The following USP6NL variants were observed in gnomAD, a reference collection of about 807,000 sequenced individuals.
USP6NL encodes the protein USP6 N-terminal like, also known as USP6 N-terminal-like protein.
In USP6NL, 26 loss-of-function variants were observed where a neutral mutation model predicts 61.9. The observed-to-expected ratio is 0.42, with a 90% CI of 0.31 to 0.58. USP6NL has a LOEUF of 0.58. Ranked by LOEUF, USP6NL falls within the 20% of genes least tolerant of loss-of-function variation. USP6NL has a pLI of 0.16. For synonymous variants in USP6NL, 432 were observed against 390.1 expected, an observed-to-expected ratio of 1.11 and a Z score of -1.27; for missense variants, 1,114 against 1,034.3, an observed-to-expected ratio of 1.08 and a Z score of -1.06.
intron 2 of USP6NL, among the ~76,000 whole-genome samples, chr10:11,590,220 C>T (rs1445546942): frequency 1.3e-5 from 2 of 152,158 alleles, no homozygotes; most frequent in Non-Finnish European, 2.9e-5. Context: ...TTCACAGTCA[C>T]CCTGCCTATC....
rs1197970802 is a variant in USP6NL, at chr10:11,496,074, G to A, written c.385-2846C>T. 3.3e-5 allele frequency among the ~76,000 whole-genome samples: 5 copies of A among 152,236 alleles called. No individual in the cohort carries two copies. The highest frequency in any genetic ancestry group is 5.9e-5 in the Non-Finnish European group (4 of 68,046). On this transcript the variant is annotated intron_variant, in intron 7 of 14. Transcript: ENST00000609104. The surrounding 1 kb of genome is among the most constrained non-coding windows in gnomAD (Gnocchi z 5.4). ...ATCTGGGAGGTGAGTTGAGGAAAAA[G>A]GCTGGACTGTCCAAAATTTAAACTA... is the stretch of plus-strand genomic sequence containing the variant.
Position 11,561,330 on chromosome 10 carries a change from A to T in USP6NL, c.5-33763T>A, listed in dbSNP as rs893763196. Among the ~76,000 whole-genome samples, 2 of 152,182 alleles carry T rather than the reference A, an allele frequency of 1.3e-5. No homozygotes were observed. The highest frequency in any genetic ancestry group is 4.8e-5 in the African/African-American group (2 of 41,448). On this transcript the variant is annotated intron_variant, in intron 2 of 14. Transcript: ENST00000609104. This position sits in a 1 kb window ranked among gnomAD's most constrained non-coding sequence, Gnocchi z 4.1. ...TTCCCAAATGAACCCTCTAATGTTA[A>T]CTTTTTTGGTGGGTTTCCATAAAGT...
chr10:11,474,632 T>C lies in USP6NL; in HGVS notation c.1078+7138A>G, dbSNP rs1052396544. ...GAAATACGTTTCTAAATTTGTGAGTTTAATAAATACTAATTTTTAAAATCT... is the reference window on the plus strand; with the variant it reads ...GAAATACGTTTCTAAATTTGTGAGTCTAATAAATACTAATTTTTAAAATCT... On this transcript the variant is annotated intron_variant, in intron 14 of 14. Coordinates refer to ENST00000609104, the MANE Select transcript of USP6NL (RefSeq NM_014688.5). This position sits in a 1 kb window ranked among gnomAD's most constrained non-coding sequence, Gnocchi z 4.9. Among the ~76,000 whole-genome samples, 1 of 152,170 alleles carries C rather than the reference T, an allele frequency of 6.6e-6. No individual in the cohort carries two copies. Among genetic ancestry groups the C allele is most frequent in the African/African-American group, 2.4e-5 (1 of 41,442 alleles).
chr10:11,466,178 A>G (rs1832443587), intron 14 of USP6NL, among the ~76,000 whole-genome samples: 1 of 152,176 alleles, frequency 6.6e-6, no homozygotes, highest in African/African-American at 2.4e-5. Flanking sequence ...TTCCCTAGAC[A>G]CTCAGCTATC....
At chr10:11,549,687 T>C (rs867394392) in intron 2 of USP6NL, among the ~76,000 whole-genome samples, 2 of 152,208 alleles carry the variant, frequency 1.3e-5, no homozygotes, top group Non-Finnish European at 1.5e-5. Flanking sequence ...CAAGCCCACA[T>C]TTAATATGTT....
At chr10:11,586,708 G>C (rs1837978203) in intron 2 of USP6NL, among the ~76,000 whole-genome samples, 1 of 152,100 alleles carries the variant, frequency 6.6e-6, no homozygotes, top group East Asian at 1.9e-4. Flanking sequence ...AACAAGAAAA[G>C]GGGGTTGTGG....
chr10:11,493,232 AAGAG>A lies in USP6NL; in HGVS notation c.385-8_385-5del. The A allele has an allele frequency of 1.3e-6, 2 of 1,593,600 alleles. No homozygotes were observed. Among genetic ancestry groups the A allele is most frequent in the Non-Finnish European group, 1.7e-6 (2 of 1,166,996 alleles). On this transcript the variant is annotated splice_region_variant and splice_polypyrimidine_tract_variant and intron_variant, in intron 7 of 14. Transcript: ENST00000609104. ...CCCGTGCTCTGTGTTTTAATTTCTG[AAGAG>A]AGAAAGAGAGAACAGAACAGATTTT...
intron 2 of USP6NL, among the ~76,000 whole-genome samples, chr10:11,531,608 G>A (rs1016054637): frequency 7.3e-5 from 11 of 150,762 alleles, no homozygotes; most frequent in East Asian, 2.0e-4. Context: ...GTGAGCCACC[G>A]CACCCGCTTA....
intron 2 of USP6NL, among the ~76,000 whole-genome samples, chr10:11,566,112 T>A (rs887077751): frequency 2.0e-5 from 3 of 152,102 alleles, no homozygotes; most frequent in Non-Finnish European, 4.4e-5. Flanking sequence ...GAAAATGAGC[T>A]GGGAAGGGCA....
rs762376067 is a variant in USP6NL at position 11,561,942 on chromosome 10, A to G, written c.5-34375T>C. Among the ~76,000 whole-genome samples the G allele has an allele frequency of 6.6e-6, 1 of 152,206 alleles. No individual in the cohort carries two copies. The highest frequency in any genetic ancestry group is 6.5e-5 in the Admixed American group (1 of 15,288). On this transcript the variant is annotated intron_variant, in intron 2 of 14. Coordinates refer to ENST00000609104, the MANE Select transcript of USP6NL (RefSeq NM_014688.5). The surrounding 1 kb of genome is among the most constrained non-coding windows in gnomAD (Gnocchi z 4.1). ...CAAACAATGTAATTTCCTATCCAGT[A>G]TTCTCTCATCTTCCTAAAAGAATGC...
chr10:11,505,079 CA>C (rs1834377585), intron 6 of USP6NL, among the ~76,000 whole-genome samples: 1 of 152,146 alleles, frequency 6.6e-6, no homozygotes, highest in Admixed American at 6.5e-5. Flanking sequence ...GGGTCCAACA[CA>C]GGGACTGTCA....
rs1833396639 is a variant in USP6NL, at chr10:11,485,021, C to T, written c.875G>A (p.Gly292Glu). 6.4e-7 allele frequency: 1 copy of T among 1,551,144 alleles called. No homozygotes were observed. The highest frequency in any genetic ancestry group is 8.7e-7 in the Non-Finnish European group (1 of 1,146,972). ...AGACATAGCAGTAAGAACTCGTTCT[C>T]CTTCAAAGATGTAGATATCCCATAT... ...LRIWDIYIFEGERVLTAMSYT... is the reference protein window; with the variant it reads ...LRIWDIYIFEEERVLTAMSYT... Residue 292 changes from glycine (G) to glutamate (E), a missense_variant, in exon 13 of 15, where the codon GGA becomes GAA. By Grantham distance (98) the Gly-to-Glu change is moderately conservative (BLOSUM62 -2). Coordinates refer to ENST00000609104, the MANE Select transcript of USP6NL (RefSeq NM_014688.5). This position sits in a 1 kb window ranked among gnomAD's most constrained non-coding sequence, Gnocchi z 4.8.
chr10:11,560,577 C>CT (rs1268942458), intron 2 of USP6NL, among the ~76,000 whole-genome samples: 2 of 151,448 alleles, frequency 1.3e-5, no homozygotes, highest in African/African-American at 2.4e-5. Flanking sequence ...GGAAGCAACA[C>CT]TTTTGGGTTA....
intron 14 of USP6NL, among the ~76,000 whole-genome samples, chr10:11,467,497 G>A (rs185318943): frequency 2.6e-5 from 4 of 152,258 alleles, no homozygotes; most frequent in African/African-American, 9.6e-5. Flanking sequence ...GTTCAAAACT[G>A]CATTCTTTTA....
At chr10:11,517,899 G>A (rs1052079429) in intron 5 of USP6NL, among the ~76,000 whole-genome samples, 1 of 152,172 alleles carries the variant, frequency 6.6e-6, no homozygotes, top group Non-Finnish European at 1.5e-5. Flanking sequence ...GAAACAGTGG[G>A]GAGGAAAAGG....
At chr10:11,507,843 G>T (rs374619354) in intron 6 of USP6NL, among the ~76,000 whole-genome samples, 1 of 152,264 alleles carries the variant, frequency 6.6e-6, no homozygotes, top group East Asian at 1.9e-4. Flanking sequence ...GCCTAATGGG[G>T]TAGGTAGTAC....
chr10:11,581,650 A>G (rs750200806), intron 2 of USP6NL, among the ~76,000 whole-genome samples: 1 of 152,254 alleles, frequency 6.6e-6, no homozygotes, highest in African/African-American at 2.4e-5. Flanking sequence ...TGAAAATATA[A>G]AGAGACTGTA....
chr10:11,562,506 A>G lies in USP6NL; in HGVS notation c.5-34939T>C, dbSNP rs961956919. On this transcript the variant is annotated intron_variant, in intron 2 of 14. Coordinates refer to ENST00000609104, the MANE Select transcript of USP6NL (RefSeq NM_014688.5). The surrounding 1 kb of genome is among the most constrained non-coding windows in gnomAD (Gnocchi z 4.8). ...TGTGGCTGAGGAGAAACGTGAAAAG[A>G]GCCGGGTCACTCAAGACATTGCTTG... The G allele has an allele frequency of 1.0e-5, 10 of 985,368 alleles. 1 individual carries two copies. The Admixed American group carries it at 5.5e-4, about 54-fold the overall frequency. 61.0% of individuals were successfully genotyped at this position (985,368 alleles called of 1,614,324 possible). A position where few individuals can be genotyped will look rare whatever the true frequency, so the allele number is the denominator to read the frequency against.
At chr10:11,519,872 A>C (rs1835135498) in intron 4 of USP6NL, among the ~76,000 whole-genome samples, 1 of 152,198 alleles carries the variant, frequency 6.6e-6, no homozygotes. Flanking sequence ...CTGTTTTGGC[A>C]ACACTATGTT....
Sources: gnomAD v4.1 joint callset for allele counts (sites outside exome capture counted in the v4.1 genomes callset) on GRCh38, gnomAD v4.1.1 for gene constraint, Gnocchi (gnomAD v3.1) non-coding constraint, MANE v1.5 for transcripts, NCBI Gene and HGNC (gene_info 2026-07-23, HGNC 2026-07-21) for gene names.